PRKCA: variants seen among roughly 807,000 people sequenced by gnomAD.
PRKCA encodes the protein protein kinase C alpha.
PRKCA carries 27 observed loss-of-function variants against 87.0 expected under a neutral mutation model. That is an observed-to-expected ratio of 0.31 (90% CI 0.23 to 0.43). PRKCA has a LOEUF of 0.43. Ranked by LOEUF, PRKCA falls within the 20% of genes least tolerant of loss-of-function variation. PRKCA has a pLI of 1.00. For synonymous variants in PRKCA, 329 were observed against 311.1 expected, an observed-to-expected ratio of 1.06 and a Z score of -0.61; for missense variants, 518 against 852.3, an observed-to-expected ratio of 0.61 and a Z score of 4.88.
chr17:66,381,556 G>C (rs1298053705), intron 2 of PRKCA, among the ~76,000 whole-genome samples: 1 of 152,202 alleles, frequency 6.6e-6, no homozygotes, highest in Non-Finnish European at 1.5e-5. Flanking sequence ...AGGTTGTAAA[G>C]GTAGCTTGAG....
intron 2 of PRKCA, among the ~76,000 whole-genome samples, chr17:66,482,707 T>A (rs1157091048): frequency 2.0e-5 from 3 of 152,314 alleles, no homozygotes; most frequent in African/African-American, 7.2e-5. Flanking sequence ...AGCAGGTGTA[T>A]TAAGCAGAAC....
At chr17:66,609,554 T>C (rs917064457) in intron 3 of PRKCA, among the ~76,000 whole-genome samples, 9 of 152,190 alleles carry the variant, frequency 5.9e-5, no homozygotes, top group African/African-American at 2.2e-4. Context: ...ATAAGTTGCC[T>C]GTCATGTAAA....
At chr17:66,654,255 A>C (rs2143861601) in intron 5 of PRKCA, among the ~76,000 whole-genome samples, 1 of 152,314 alleles carries the variant, frequency 6.6e-6, no homozygotes, top group African/African-American at 2.4e-5. Context: ...TAGAAAGGGG[A>C]CATGAAGGGC....
intron 16 of PRKCA, among the ~76,000 whole-genome samples, chr17:66,800,758 C>T (rs1975881822): frequency 6.6e-6 from 1 of 152,230 alleles, no homozygotes; most frequent in African/African-American, 2.4e-5. Flanking sequence ...GACATCCAGC[C>T]TAGACGTCTA....
chr17:66,718,557 A>G (rs149177535), intron 8 of PRKCA, among the ~76,000 whole-genome samples: 8 of 152,336 alleles, frequency 5.3e-5, no homozygotes, highest in African/African-American at 1.9e-4. Context: ...GCCTCAAGCT[A>G]TCTTTCTGCC....
Position 66,649,873 on chromosome 17 carries a change from G to C in PRKCA, c.529+4362G>C, listed in dbSNP as rs147575095. The stretch of plus-strand genomic sequence containing the variant: ...TGGGAGGTACTGAGGGTGGGGAAGG[G>C]GACAGAGAGGGAAGGACCCTGTGGA... On this transcript the variant is annotated intron_variant, in intron 5 of 16. Coordinates refer to ENST00000413366, the MANE Select transcript of PRKCA (RefSeq NM_002737.3). Among the ~76,000 whole-genome samples, 616 of 152,282 alleles carry C rather than the reference G, an allele frequency of 4.0e-3. 5 individuals carry two copies. The highest frequency in any genetic ancestry group is 7.0e-3 in the Non-Finnish European group (473 of 68,012).
At chr17:66,798,453 C>CGGTGGTGGTGGTGGTGATGGTGATGGT (rs1975740972) in intron 16 of PRKCA, among the ~76,000 whole-genome samples, 1 of 8,742 alleles carries the variant, frequency 1.1e-4, no homozygotes, top group Admixed American at 1.5e-3. Flanking sequence ...GTGGTGGTGA[C>CGGTGGTGGTGGTGGTGATGGTGATGGT]GGTGGTGGTG....
At chr17:66,386,520 T>C (rs955327206) in intron 2 of PRKCA, among the ~76,000 whole-genome samples, 4 of 152,180 alleles carry the variant, frequency 2.6e-5, no homozygotes, top group Admixed American at 6.5e-5. Flanking sequence ...ATTAATAATA[T>C]ATGATGGGTA....
intron 3 of PRKCA, among the ~76,000 whole-genome samples, chr17:66,520,272 C>A (rs1383639613): frequency 6.6e-6 from 1 of 151,942 alleles, no homozygotes; most frequent in East Asian, 1.9e-4. Flanking sequence ...GGGTGCCTAC[C>A]ACCATGCCCG....
chr17:66,344,526 A>AC (rs1056297150), intron 2 of PRKCA, among the ~76,000 whole-genome samples: 11 of 152,172 alleles, frequency 7.2e-5, no homozygotes, highest in African/African-American at 2.4e-4. Context: ...AACAACAACA[A>AC]AAAAACAGTT....
At chr17:66,565,299 C>T (rs1968854871) in intron 3 of PRKCA, among the ~76,000 whole-genome samples, 1 of 152,134 alleles carries the variant, frequency 6.6e-6, no homozygotes, top group Admixed American at 6.5e-5. Context: ...CTCTTACAGC[C>T]CCTGAGAGCA....
intron 13 of PRKCA, among the ~76,000 whole-genome samples, chr17:66,745,449 G>A (rs1282300361): frequency 2.0e-5 from 3 of 151,736 alleles, no homozygotes; most frequent in African/African-American, 7.2e-5. Context: ...GGGAGGCCAA[G>A]GCAGGTGGAT....
intron 2 of PRKCA, among the ~76,000 whole-genome samples, chr17:66,382,858 C>G (rs1230330342): frequency 1.4e-4 from 22 of 152,024 alleles, no homozygotes; most frequent in Non-Finnish European, 2.1e-4. Flanking sequence ...TTACCACCAA[C>G]AAGAAAGAGT....
chr17:66,703,535 T>A (rs1973114226), intron 8 of PRKCA: 1 of 152,230 alleles, frequency 6.6e-6, no homozygotes, highest in Non-Finnish European at 1.5e-5. Flanking sequence ...GGCTCATGCC[T>A]ATAATCCCAG....
At chr17:66,759,527 CAAA>C (rs60704420) in intron 13 of PRKCA, among the ~76,000 whole-genome samples, 3 of 110,528 alleles carry the variant, frequency 2.7e-5, no homozygotes, top group East Asian at 2.5e-4. Flanking sequence ...GAGTGGGAGA[CAAA>C]AAAAAAAAAA....
intron 3 of PRKCA, among the ~76,000 whole-genome samples, chr17:66,496,758 C>T (rs985826991): frequency 2.6e-5 from 4 of 152,086 alleles, no homozygotes; most frequent in Non-Finnish European, 5.9e-5. Flanking sequence ...ATTTTCCTGC[C>T]TCAGCCTCCT....
At chr17:66,679,589 C>T (rs1972435851) in intron 5 of PRKCA, among the ~76,000 whole-genome samples, 1 of 152,384 alleles carries the variant, frequency 6.6e-6, no homozygotes, top group African/African-American at 2.4e-5. Flanking sequence ...CCCACCACTC[C>T]TCTAGGCACA....
chr17:66,587,615 T>A (rs1253144439), intron 3 of PRKCA, among the ~76,000 whole-genome samples: 2 of 148,414 alleles, frequency 1.3e-5, no homozygotes, highest in Non-Finnish European at 2.9e-5. Flanking sequence ...ATTGATTGAT[T>A]AGATAGATAT....
intron 2 of PRKCA, among the ~76,000 whole-genome samples, chr17:66,307,107 A>G (rs545506009): frequency 6.6e-6 from 1 of 152,240 alleles, no homozygotes; most frequent in Admixed American, 6.5e-5. Context: ...AAATTTGTGA[A>G]CTTGTTTCTT....
Sources: gnomAD v4.1 joint callset for allele counts (sites outside exome capture counted in the v4.1 genomes callset) on GRCh38, gnomAD v4.1.1 for gene constraint, MANE v1.5 for transcripts, NCBI Gene and HGNC (gene_info 2026-07-23, HGNC 2026-07-21) for gene names.